The following HLF variants were observed in gnomAD, a reference collection of about 807,000 sequenced individuals.
HLF encodes hepatic leukemia factor.
HLF carries 3 observed loss-of-function variants against 22.6 expected under a neutral mutation model. The observed-to-expected ratio is 0.13, with a 90% CI of 0.06 to 0.34. HLF has a LOEUF of 0.34. HLF is among the 10% of genes least tolerant of loss of function. HLF has a pLI of 1.00. For synonymous variants in HLF, 151 were observed against 151.8 expected, an observed-to-expected ratio of 0.99 and a Z score of 0.04; for missense variants, 299 against 389.2, an observed-to-expected ratio of 0.77 and a Z score of 1.95.
At chr17:55,311,146 A>G (rs550067839) in intron 2 of HLF, among the ~76,000 whole-genome samples, 123 of 152,312 alleles carry the variant, frequency 8.1e-4, no homozygotes, top group African/African-American at 2.6e-3. Context: ...CTAGAAGAGT[A>G]TATGTATAAA....
intron 2 of HLF, among the ~76,000 whole-genome samples, chr17:55,302,372 G>A (rs973972784): frequency 1.1e-4 from 17 of 152,192 alleles, no homozygotes; most frequent in Non-Finnish European, 1.6e-4. Context: ...AGACTCATGC[G>A]GGAAAGAATC....
rs748197783 is a variant in HLF at position 55,323,890 on chromosome 17, C to CAT, written c.*3013_*3014dup. 3 of 228,804 alleles carry CAT rather than the reference C, an allele frequency of 1.3e-5. No individual in the cohort carries two copies. Among genetic ancestry groups the CAT allele is most frequent in the Non-Finnish European group, 2.6e-5 (3 of 115,352 alleles). The allele number at this position is 228,804 out of a possible 1,614,324, so 14.2% of individuals were successfully genotyped here. ...CATTAACAATGAATCCAAATCATAT[C>CAT]ATACTGACATCATCTAGACATGATT... On this transcript the variant is annotated 3_prime_UTR_variant, in exon 4 of 4. Coordinates refer to ENST00000226067, the MANE Select transcript of HLF (RefSeq NM_002126.5).
chr17:55,301,564 T>C (rs1205222605), intron 2 of HLF, among the ~76,000 whole-genome samples: 1 of 152,214 alleles, frequency 6.6e-6, no homozygotes, highest in Non-Finnish European at 1.5e-5. Context: ...TAGACCTTGA[T>C]ATGGATGTTA....
At chr17:55,308,128 T>A (rs1188042305) in intron 2 of HLF, among the ~76,000 whole-genome samples, 2 of 151,952 alleles carry the variant, frequency 1.3e-5, no homozygotes, top group South Asian at 2.1e-4. Context: ...CTTGGGAGGG[T>A]TTGATATGGA....
Position 55,315,378 on chromosome 17 carries a change from T to C in HLF, c.603T>C (p.Ser201=). ...TTGACCCTCGCAAACGCAAGTTCTCTGAGGAAGAACTGAAGCCACAGCCCA... is the reference window on the plus strand; with the variant it reads ...TTGACCCTCGCAAACGCAAGTTCTCCGAGGAAGAACTGAAGCCACAGCCCA... ...EMFDPRKRKF[S]EEELKPQPMI... is the part of the protein sequence containing the mutation. Residue 201 remains serine, a synonymous_variant, in exon 3 of 4, where the codon TCT becomes TCC. Transcript: ENST00000226067. 6.2e-7 allele frequency: 1 copy of C among 1,614,168 alleles called. No individual in the cohort carries two copies. Among genetic ancestry groups the C allele is most frequent in the Non-Finnish European group, 8.5e-7 (1 of 1,180,016 alleles).
chr17:55,271,092 C>G (rs747014377), intron 2 of HLF, among the ~76,000 whole-genome samples: 3 of 152,158 alleles, frequency 2.0e-5, no homozygotes, highest in African/African-American at 4.8e-5. Flanking sequence ...ATAATACAGT[C>G]ACTCCCGGTG....
chr17:55,267,462 A>G (rs1057344687), intron 1 of HLF: 4 of 305,860 alleles, frequency 1.3e-5, no homozygotes, highest in African/African-American at 8.6e-5. Flanking sequence ...TACTCTTCTC[A>G]AATAATGTGC....
intron 2 of HLF, among the ~76,000 whole-genome samples, chr17:55,292,082 A>G (rs1006489677): frequency 6.6e-6 from 1 of 152,206 alleles, no homozygotes; most frequent in African/African-American, 2.4e-5. Flanking sequence ...GATGGAATCT[A>G]CTCCTAGTGA....
intron 2 of HLF, chr17:55,271,660 G>A (rs1005871133): frequency 6.6e-6 from 1 of 152,172 alleles, no homozygotes; most frequent in Non-Finnish European, 1.5e-5. Context: ...CTCTCTAGTA[G>A]CTGGGATTAC....
rs1905295680 is a variant in HLF, at chr17:55,322,482, G to A, written c.*1603G>A. The stretch of plus-strand genomic sequence containing the variant: ...TTGTACAGAGAAGAAGTGCTTGGGG[G>A]TTTTTGAAGTCTTTAATATTTTAAG... On this transcript the variant is annotated 3_prime_UTR_variant, in exon 4 of 4. Transcript: ENST00000226067. 1 of 209,076 alleles carries A rather than the reference G, an allele frequency of 4.8e-6. No homozygotes were observed. Among genetic ancestry groups the A allele is most frequent in the East Asian group, 7.3e-5 (1 of 13,708 alleles). The allele number at this position is 209,076 out of a possible 1,614,324, so 13.0% of individuals were successfully genotyped here.
chr17:55,303,600 C>T (rs1702745636), intron 2 of HLF, among the ~76,000 whole-genome samples: 1 of 152,104 alleles, frequency 6.6e-6, no homozygotes, highest in African/African-American at 2.4e-5. Context: ...AGACAGGATC[C>T]AGCTCAAATC....
chr17:55,323,709 G>C lies in HLF; in HGVS notation c.*2830G>C, dbSNP rs1427350166. 4.3e-6 allele frequency: 1 copy of C among 230,398 alleles called. No homozygotes were observed. The highest frequency in any genetic ancestry group is 8.6e-6 in the Non-Finnish European group (1 of 115,902). 14.3% of individuals were successfully genotyped at this position (230,398 alleles called of 1,614,324 possible). ...GGGCAGTTAACTAGCAAACAAGGCA[G>C]ATCTGCTTCATGGAGCGGGAGGCCA... is the stretch of plus-strand genomic sequence containing the variant. On this transcript the variant is annotated 3_prime_UTR_variant, in exon 4 of 4. Transcript: ENST00000226067.
chr17:55,269,657 G>T (rs2080834143), intron 2 of HLF, among the ~76,000 whole-genome samples: 1 of 152,196 alleles, frequency 6.6e-6, no homozygotes, highest in African/African-American at 2.4e-5. Flanking sequence ...GTGAAAATTA[G>T]AGATAATACG....
chr17:55,271,811 G>T (rs11650482), intron 2 of HLF: 2 of 152,130 alleles, frequency 1.3e-5, no homozygotes. Flanking sequence ...GATTACAGGC[G>T]TGAGCCACCA....
chr17:55,274,440 C>T (rs563723186), intron 2 of HLF, among the ~76,000 whole-genome samples: 5 of 152,298 alleles, frequency 3.3e-5, no homozygotes, highest in African/African-American at 1.2e-4. Context: ...CAGCAAATGT[C>T]TTGTCCTAAA....
chr17:55,317,349 A>G (rs1292529262), intron 3 of HLF, among the ~76,000 whole-genome samples: 1 of 152,142 alleles, frequency 6.6e-6, no homozygotes, highest in Non-Finnish European at 1.5e-5. Context: ...AATGGAGGGT[A>G]GTTTGAAAGG....
At chr17:55,305,246 C>G (rs980721221) in intron 2 of HLF, among the ~76,000 whole-genome samples, 18 of 152,200 alleles carry the variant, frequency 1.2e-4, no homozygotes, top group Admixed American at 1.2e-3. Context: ...TTGACAGGAG[C>G]CCTGGCCTGT....
chr17:55,306,537 AGTGTGTGTGTGTGTGTGTGT>A (rs60472672), intron 2 of HLF, among the ~76,000 whole-genome samples: 6 of 143,600 alleles, frequency 4.2e-5, no homozygotes, highest in Admixed American at 4.2e-4. Flanking sequence ...GCAAAAAGGA[AGTGTGTGTGTGTGTGTGTGT>A]GTGTGTGTGT....
chr17:55,313,423 A>G (rs1468974794), intron 2 of HLF, among the ~76,000 whole-genome samples: 7 of 151,656 alleles, frequency 4.6e-5, no homozygotes, highest in Non-Finnish European at 5.9e-5. Flanking sequence ...AAAGGAGAAC[A>G]TTTTGATACA....
Sources: gnomAD v4.1 joint callset for allele counts (sites outside exome capture counted in the v4.1 genomes callset) on GRCh38, gnomAD v4.1.1 for gene constraint, MANE v1.5 for transcripts, NCBI Gene and HGNC (gene_info 2026-07-23, HGNC 2026-07-21) for gene names.